Variants in MAPRE2 observed in about 807,000 individuals in gnomAD.
MAPRE2 encodes the protein microtubule associated protein RP/EB family member 2, also known as microtubule-associated protein RP/EB family member 2.
A neutral mutation model predicts 43.2 loss-of-function variants in MAPRE2; 13 were observed. The observed-to-expected ratio is 0.30, with a 90% CI of 0.20 to 0.48. The LOEUF is 0.48. Ranked by LOEUF, MAPRE2 falls within the 20% of genes least tolerant of loss-of-function variation. The pLI, the probability that MAPRE2 is intolerant of heterozygous loss-of-function variation, is 0.99. For missense variants in MAPRE2, 161 were observed against 400.2 expected (o/e 0.40, Z 5.10); for synonymous variants, 135 against 148.8 (o/e 0.91, Z 0.68).
At chr18:35,053,531 T>G (rs1906058023) in intron 1 of MAPRE2, among the ~76,000 whole-genome samples, 1 of 152,164 alleles carries the variant, frequency 6.6e-6, no homozygotes, top group African/African-American at 2.4e-5. Context: ...ATGTTACATT[T>G]GGGAGGTAGT....
intron 1 of MAPRE2, among the ~76,000 whole-genome samples, chr18:35,045,181 TGTG>T (rs1454109875): frequency 6.6e-6 from 1 of 152,188 alleles, no homozygotes; most frequent in African/African-American, 2.4e-5. Context: ...AAAAAATAAA[TGTG>T]GTGTGGGCCA....
At chr18:35,134,906 G>A (rs1910320364) in intron 6 of MAPRE2, among the ~76,000 whole-genome samples, 1 of 152,156 alleles carries the variant, frequency 6.6e-6, no homozygotes, top group African/African-American at 2.4e-5. Flanking sequence ...TCATCAAATA[G>A]CTTTAAGGGA....
At chr18:35,111,488 G>A (rs1346752648) in intron 4 of MAPRE2, among the ~76,000 whole-genome samples, 1 of 151,994 alleles carries the variant, frequency 6.6e-6, no homozygotes, top group Admixed American at 6.6e-5. Flanking sequence ...AATAATTTTG[G>A]GTTATGTCTT....
In MAPRE2 at chr18:35,142,417, G is replaced by A. The variant is rs1239771935; in HGVS notation, c.*2048G>A. ...TGGATGCACGTGAGTGGGTAGCAGG[G>A]AGTCAGGATCCTGCCTTCTCCAGCA... On this transcript the variant is annotated 3_prime_UTR_variant, in exon 7 of 7. Transcript: ENST00000300249. 6.6e-6 allele frequency: 1 copy of A among 152,222 alleles called. No individual in the cohort carries two copies. Among genetic ancestry groups the A allele is most frequent in the Non-Finnish European group, 1.5e-5 (1 of 68,072 alleles). 9.4% of individuals were successfully genotyped at this position (152,222 alleles called of 1,614,324 possible).
chr18:35,081,945 G>A (rs978816346), intron 2 of MAPRE2: 1 of 152,194 alleles, frequency 6.6e-6, no homozygotes, highest in Admixed American at 6.5e-5. Flanking sequence ...AGAAAATGGG[G>A]AAAGGGATCA....
intron 2 of MAPRE2, among the ~76,000 whole-genome samples, chr18:35,029,659 A>C (rs2097046856): frequency 6.6e-6 from 1 of 152,214 alleles, no homozygotes; most frequent in Non-Finnish European, 1.5e-5. Context: ...ATCGTCTGCA[A>C]GATAATTTAT....
intron 1 of MAPRE2, among the ~76,000 whole-genome samples, chr18:34,984,644 T>C (rs1186174592): frequency 1.3e-5 from 2 of 150,628 alleles, no homozygotes; most frequent in African/African-American, 2.4e-5. Context: ...TGGCTGGAGA[T>C]TGATGTATAA....
At chr18:35,131,922 T>C in intron 5 of MAPRE2, 110 bp from the exon 6 acceptor site, 1 of 1,128,922 alleles carries the variant, frequency 8.9e-7, no homozygotes, top group South Asian at 1.5e-5. Flanking sequence ...ACATTGGTTA[T>C]TTCTGCTTCT....
At chr18:35,123,157 G>T (rs542980323) in intron 4 of MAPRE2, among the ~76,000 whole-genome samples, 1 of 152,090 alleles carries the variant, frequency 6.6e-6, no homozygotes, top group East Asian at 1.9e-4. Context: ...TTGCCCAGGG[G>T]TTTGGCTTGC....
chr18:35,041,840 T>C, intron 1 of MAPRE2, 179 bp downstream of exon 1: 4 of 1,417,582 alleles, frequency 2.8e-6, no homozygotes, highest in Non-Finnish European at 3.7e-6. Context: ...GCATTGAGGC[T>C]CCGCGACTGC....
chr18:35,103,549 A>G (rs1190486970), intron 4 of MAPRE2, among the ~76,000 whole-genome samples: 2 of 152,174 alleles, frequency 1.3e-5, no homozygotes, highest in East Asian at 3.8e-4. Flanking sequence ...GTGTGTCTGG[A>G]GCTCAAAGGA....
intron 1 of MAPRE2, among the ~76,000 whole-genome samples, chr18:35,002,816 G>A (rs1429772455): frequency 6.6e-6 from 1 of 152,092 alleles, no homozygotes; most frequent in East Asian, 1.9e-4. Flanking sequence ...TTCTTTGTCA[G>A]TTATTGGGCT....
intron 4 of MAPRE2, among the ~76,000 whole-genome samples, chr18:35,116,648 G>A (rs1909424142): frequency 6.6e-6 from 1 of 152,188 alleles, no homozygotes; most frequent in Non-Finnish European, 1.5e-5. Context: ...TGCCTTATGG[G>A]CTTTTCCAAC....
intron 2 of MAPRE2, among the ~76,000 whole-genome samples, chr18:35,028,678 A>G (rs2097046447): frequency 6.6e-6 from 1 of 152,230 alleles, no homozygotes; most frequent in Admixed American, 6.5e-5. Context: ...ACAAGGATTG[A>G]AGAAATAATT....
intron 6 of MAPRE2, among the ~76,000 whole-genome samples, chr18:35,137,766 C>T (rs575472266): frequency 1.1e-4 from 16 of 152,092 alleles, no homozygotes; most frequent in African/African-American, 3.4e-4. Flanking sequence ...GACTGTGGTG[C>T]GCCCTCCCAC....
intron 4 of MAPRE2, among the ~76,000 whole-genome samples, chr18:35,124,970 C>T (rs1216463610): frequency 1.3e-5 from 2 of 152,148 alleles, no homozygotes; most frequent in Non-Finnish European, 2.9e-5. Flanking sequence ...CAAAGCAAAA[C>T]GTCAGCTCTC....
chr18:35,132,350 T>A (rs1432881611), intron 6 of MAPRE2, among the ~76,000 whole-genome samples, 160 bp downstream of exon 6: 1 of 152,220 alleles, frequency 6.6e-6, no homozygotes, highest in African/African-American at 2.4e-5. Flanking sequence ...ATCGTTATCA[T>A]CATGATCTAT....
rs539633748 is a variant in MAPRE2, at chr18:35,000,335, T to C, written c.-69-5157T>C. The stretch of plus-strand genomic sequence containing the variant: ...CCAGAAGCCTCACTGGTTAAACACA[T>C]AGCAATGAAGAAAGAATGAAATCTT... On this transcript the variant is annotated intron_variant, in intron 1 of 7. Coordinates refer to the MAPRE2 transcript ENST00000413393. 7.9e-5 allele frequency among the ~76,000 whole-genome samples: 12 copies of C among 152,354 alleles called. No individual in the cohort carries two copies. The South Asian group carries it at 2.5e-3, about 32-fold the overall frequency.
chr18:34,998,772 ATTTTTTT>A (rs67933808), intron 1 of MAPRE2, among the ~76,000 whole-genome samples: 18 of 93,726 alleles, frequency 1.9e-4, no homozygotes, highest in South Asian at 1.1e-3. Context: ...CGAAGTTGCA[ATTTTTTT>A]TTTTTTTTTT....
Sources: allele counts gnomAD v4.1 joint callset (sites outside exome capture counted in the v4.1 genomes callset), GRCh38; gene constraint gnomAD v4.1.1; transcripts MANE v1.5; gene names NCBI Gene and HGNC (gene_info 2026-07-23, HGNC 2026-07-21).